The following SLIT2 variants were observed in gnomAD, a reference collection of about 807,000 sequenced individuals.
SLIT2 encodes slit homolog 2 protein.
SLIT2 carries 41 observed loss-of-function variants against 185.7 expected under a neutral mutation model. The ratio of observed to expected loss-of-function variants is 0.22; its 90% confidence interval spans 0.17 to 0.29. SLIT2 has a LOEUF of 0.29. Ranked by LOEUF, SLIT2 falls within the 10% of genes least tolerant of loss-of-function variation. The probability of loss-of-function intolerance (pLI) is 1.00; values close to 1 mark genes in which losing one functional copy is unlikely to be tolerated. For synonymous variants in SLIT2, 693 were observed against 680.2 expected (o/e 1.02, Z -0.29); for missense variants, 1,571 against 1,909.0 (o/e 0.82, Z 3.30).
At chr4:20,331,411 TC>T (rs1283641530) in intron 4 of SLIT2, among the ~76,000 whole-genome samples, 2 of 152,150 alleles carry the variant, frequency 1.3e-5, no homozygotes, top group Non-Finnish European at 2.9e-5. Flanking sequence ...TGTTGCATTC[TC>T]CCTGAGAAAA....
intron 4 of SLIT2, among the ~76,000 whole-genome samples, chr4:20,371,672 A>C (rs1271578450): frequency 6.6e-6 from 1 of 152,038 alleles, no homozygotes; most frequent in Non-Finnish European, 1.5e-5. Flanking sequence ...ATGCCACCCG[A>C]GAGGGAAAAA....
chr4:20,544,016 G>A (rs540039849), intron 21 of SLIT2, among the ~76,000 whole-genome samples: 1 of 152,118 alleles, frequency 6.6e-6, no homozygotes, highest in South Asian at 2.1e-4. Context: ...ACACACCGGG[G>A]CCTGTCTTGG....
intron 4 of SLIT2, among the ~76,000 whole-genome samples, chr4:20,387,692 A>G (rs1025559202): frequency 3.3e-5 from 5 of 152,144 alleles, no homozygotes; most frequent in Non-Finnish European, 7.4e-5. Flanking sequence ...CACGGGCAAC[A>G]AAAAGAGAGG....
chr4:20,368,289 GTCA>G, intron 4 of SLIT2, among the ~76,000 whole-genome samples: 1 of 145,822 alleles, frequency 6.9e-6, no homozygotes, highest in Middle Eastern at 3.6e-3. Context: ...TTCTAACACA[GTCA>G]TCTAACAGAC....
At chr4:20,319,863 G>A (rs1281295081) in intron 4 of SLIT2, among the ~76,000 whole-genome samples, 1 of 151,654 alleles carries the variant, frequency 6.6e-6, no homozygotes, top group Non-Finnish European at 1.5e-5. Flanking sequence ...CTTCCTGGGA[G>A]TATCTTTGAA....
intron 4 of SLIT2, among the ~76,000 whole-genome samples, chr4:20,445,034 G>A (rs1173180269): frequency 2.0e-5 from 3 of 151,972 alleles, no homozygotes; most frequent in Non-Finnish European, 4.4e-5. Context: ...GCATCAAATG[G>A]AGCCGCAATG....
chr4:20,388,363 A>C (rs929178936), intron 4 of SLIT2, among the ~76,000 whole-genome samples: 1 of 152,224 alleles, frequency 6.6e-6, no homozygotes, highest in African/African-American at 2.4e-5. Context: ...AAGAGCAAAT[A>C]AGCCAAGGAA....
At chr4:20,545,136 T>G (rs1229771616) in intron 21 of SLIT2, among the ~76,000 whole-genome samples, 1 of 152,028 alleles carries the variant, frequency 6.6e-6, no homozygotes, top group African/African-American at 2.4e-5. Flanking sequence ...AACTTCAACC[T>G]GGAATCTTGA....
intron 29 of SLIT2, 99 bp downstream of exon 29, chr4:20,569,103 G>T: frequency 2.0e-6 from 2 of 1,008,480 alleles, no homozygotes; most frequent in Non-Finnish European, 3.0e-6. Context: ...TTTTTTATTT[G>T]ATAAATGGTA....
chr4:20,523,938 A>G (rs2148849266), intron 13 of SLIT2, 35 bp downstream of exon 13: 2 of 1,612,994 alleles, frequency 1.2e-6, no homozygotes, highest in Non-Finnish European at 1.7e-6. Context: ...TTTTGATGAC[A>G]TTGTTTCCTC....
rs71607022 is a variant in SLIT2 at position 20,436,741 on chromosome 4, C to T, written c.396-31011C>T. On this transcript the variant is annotated intron_variant, in intron 4 of 36. Coordinates refer to ENST00000504154, the MANE Select transcript of SLIT2 (RefSeq NM_004787.4). ...CTGCTTTCAAGGTACAACCATGAAG[C>T]GGAGAAATTGCTACAAAAATATGGC... is the stretch of plus-strand genomic sequence containing the variant. Among the ~76,000 whole-genome samples the T allele has an allele frequency of 2.1e-3, 320 of 152,242 alleles. 1 individual carries two copies. Among genetic ancestry groups the T allele is most frequent in the Non-Finnish European group, 3.4e-3 (233 of 68,010 alleles).
intron 29 of SLIT2, among the ~76,000 whole-genome samples, chr4:20,574,430 G>T (rs1055718908): frequency 6.6e-6 from 1 of 152,128 alleles, no homozygotes; most frequent in Non-Finnish European, 1.5e-5. Flanking sequence ...GGAACACAAC[G>T]TGTGCTTGTC....
chr4:20,405,690 G>T (rs1428873018), intron 4 of SLIT2, among the ~76,000 whole-genome samples: 1 of 151,874 alleles, frequency 6.6e-6, no homozygotes, highest in Non-Finnish European at 1.5e-5. Context: ...GCTTCCATAA[G>T]AGATGTTATT....
chr4:20,351,661 C>T (rs1020600007), intron 4 of SLIT2, among the ~76,000 whole-genome samples: 4 of 152,028 alleles, frequency 2.6e-5, no homozygotes, highest in African/African-American at 9.7e-5. Flanking sequence ...AGCAGGGTCA[C>T]ATGGAGGTGG....
intron 33 of SLIT2, among the ~76,000 whole-genome samples, chr4:20,603,098 G>C (rs61790712): frequency 0.021 from 3,139 of 152,252 alleles, 48 homozygotes; most frequent in Non-Finnish European, 0.033. Context: ...AAGAAAAAGA[G>C]GTTTAATTGA....
Position 20,378,095 on chromosome 4 carries a change from CAAAT to C in SLIT2, c.396-89652_396-89649del, listed in dbSNP as rs1476248077. Among the ~76,000 whole-genome samples the C allele has an allele frequency of 4.6e-5, 7 of 151,928 alleles. 1 individual carries two copies. The Middle Eastern group carries it at 0.01, about 221-fold the overall frequency. ...GATGCAGAGATTCATTTATAATTTA[CAAAT>C]AAATTAATTATGATTGAAAAAGGCA... On this transcript the variant is annotated intron_variant, in intron 4 of 36. Coordinates refer to ENST00000504154, the MANE Select transcript of SLIT2 (RefSeq NM_004787.4).
chr4:20,544,089 G>A (rs943750225), intron 21 of SLIT2, among the ~76,000 whole-genome samples: 1 of 151,546 alleles, frequency 6.6e-6, no homozygotes, highest in African/African-American at 2.4e-5. Context: ...CAAGTTAGTG[G>A]GTGCAGCAAA....
intron 33 of SLIT2, among the ~76,000 whole-genome samples, chr4:20,598,820 A>G (rs1011449520): frequency 2.0e-5 from 3 of 152,142 alleles, no homozygotes; most frequent in Admixed American, 6.5e-5. Flanking sequence ...TTTGAAATAC[A>G]CAACCTCACT....
intron 18 of SLIT2, among the ~76,000 whole-genome samples, chr4:20,535,130 C>T (rs967109644): frequency 6.6e-6 from 1 of 151,948 alleles, no homozygotes; most frequent in African/African-American, 2.4e-5. Context: ...GACATCCGGT[C>T]TCTACTACAA....
Sources: gnomAD v4.1 joint callset for allele counts (sites outside exome capture counted in the v4.1 genomes callset) on GRCh38, gnomAD v4.1.1 for gene constraint, MANE v1.5 for transcripts, NCBI Gene and HGNC (gene_info 2026-07-23, HGNC 2026-07-21) for gene names.